The following DLC1 variants were observed in gnomAD, a reference collection of about 807,000 sequenced individuals.
DLC1 encodes rho GTPase-activating protein 7.
Under a neutral mutation model 140.3 loss-of-function variants are expected in DLC1, and 54 were observed. The ratio of observed to expected loss-of-function variants is 0.38; its 90% CI spans 0.31 to 0.48. The LOEUF is 0.48. Among genes scored for constraint, DLC1 ranks in the 20% least tolerant of loss-of-function variants. The pLI is 0.96. For missense variants in DLC1, 2,536 were observed against 1,907.0 expected (o/e 1.33, Z -6.14); for synonymous variants, 986 against 728.1 (o/e 1.35, Z -5.70).
chr8:13,334,137 G>A (rs191772309), intron 4 of DLC1, among the ~76,000 whole-genome samples: 137 of 152,276 alleles, frequency 9.0e-4, no homozygotes, highest in African/African-American at 2.6e-3. Context: ...TACCAGGGAC[G>A]TCAGCTCTCA....
At chr8:13,363,894 C>A (rs772299574) in intron 4 of DLC1, among the ~76,000 whole-genome samples, 1 of 152,168 alleles carries the variant, frequency 6.6e-6, no homozygotes, top group Non-Finnish European at 1.5e-5. Context: ...CTTTACTTGG[C>A]TAAAGAAAAC....
chr8:13,582,006 T>C (rs1429669154), intron 1 of DLC1, among the ~76,000 whole-genome samples: 1 of 152,134 alleles, frequency 6.6e-6, no homozygotes, highest in Admixed American at 6.6e-5. Flanking sequence ...GTAGGATGGA[T>C]ACGCAAAGTT....
chr8:13,180,853 T>A (rs1370614559), intron 5 of DLC1, among the ~76,000 whole-genome samples: 7 of 152,170 alleles, frequency 4.6e-5, no homozygotes, highest in Non-Finnish European at 1.0e-4. Context: ...AATAGGTAAA[T>A]CCTAATTTTT....
At chr8:13,564,840 G>T (rs1585279488) in intron 1 of DLC1, among the ~76,000 whole-genome samples, 1 of 152,100 alleles carries the variant, frequency 6.6e-6, no homozygotes. Context: ...AACAGGAGGG[G>T]CATAGCAAGG....
At chr8:13,388,049 CA>C (rs1836599674) in intron 4 of DLC1, among the ~76,000 whole-genome samples, 1 of 151,764 alleles carries the variant, frequency 6.6e-6, no homozygotes. Context: ...ATAAATTATG[CA>C]TACATAATTT....
chr8:13,595,807 T>G (rs1436565600), intron 1 of DLC1, among the ~76,000 whole-genome samples: 1 of 152,030 alleles, frequency 6.6e-6, no homozygotes, highest in African/African-American at 2.4e-5. Context: ...GAACAGTACA[T>G]TATTTTTTCT....
In DLC1 at chr8:13,184,393, G is replaced by A. The variant is rs144300953; in HGVS notation, c.1349-68736C>T. Among the ~76,000 whole-genome samples, 266 of 151,984 alleles carry A rather than the reference G, an allele frequency of 1.8e-3. 1 individual carries two copies. Among genetic ancestry groups the A allele is most frequent in the African/African-American group, 6.2e-3 (256 of 41,422 alleles). On this transcript the variant is annotated intron_variant, in intron 5 of 17. Transcript: ENST00000276297. Reference sequence around the variant, plus strand: ...CTAGTTCTTTTAATTGTGATGTTACGGTGTCAATTTTAGATCTTTTCTGCT... The same window carrying A: ...CTAGTTCTTTTAATTGTGATGTTACAGTGTCAATTTTAGATCTTTTCTGCT...
intron 5 of DLC1, among the ~76,000 whole-genome samples, chr8:13,282,294 T>C (rs1831390161): frequency 6.6e-6 from 1 of 152,218 alleles, no homozygotes; most frequent in South Asian, 2.1e-4. Flanking sequence ...CTCTCTGCAG[T>C]TGACTACAGT....
At chr8:13,086,061 C>T (rs905325888) in intron 17 of DLC1, 130 bp from the exon 18 acceptor site, 20 of 1,425,170 alleles carry the variant, frequency 1.4e-5, no homozygotes, top group African/African-American at 4.3e-5. Context: ...AATTCATGGC[C>T]GAGCTACCAT....
intron 5 of DLC1, among the ~76,000 whole-genome samples, chr8:13,229,192 C>A (rs541526453): frequency 6.6e-6 from 1 of 152,236 alleles, no homozygotes; most frequent in Non-Finnish European, 1.5e-5. Flanking sequence ...TGTCCACCAA[C>A]TGGACATTTG....
At chr8:13,285,105 G>C (rs1007097198) in intron 5 of DLC1, among the ~76,000 whole-genome samples, 1 of 152,110 alleles carries the variant, frequency 6.6e-6, no homozygotes, top group Non-Finnish European at 1.5e-5. Context: ...GATGTTGGAG[G>C]ATTTACACTG....
chr8:13,130,426 C>G (rs1821983253), intron 5 of DLC1, among the ~76,000 whole-genome samples: 1 of 152,136 alleles, frequency 6.6e-6, no homozygotes. Context: ...CCAGAAGCAC[C>G]CAAACACCTC....
chr8:13,110,637 C>G, intron 7 of DLC1, 105 bp downstream of exon 7: 2 of 1,093,654 alleles, frequency 1.8e-6, no homozygotes, highest in Non-Finnish European at 2.7e-6. Context: ...CCAATAAAAA[C>G]CTAACACAAT....
upstream of DLC1, chr8:13,515,475 C>G (rs537346263): frequency 6.6e-6 from 1 of 152,170 alleles, no homozygotes; most frequent in Non-Finnish European, 1.5e-5. Flanking sequence ...TCAGAATCCT[C>G]CAGTTACAAA....
chr8:13,581,764 T>C (rs1805107170), intron 1 of DLC1, among the ~76,000 whole-genome samples: 1 of 152,164 alleles, frequency 6.6e-6, no homozygotes, highest in African/African-American at 2.4e-5. Context: ...CCAACCTCTT[T>C]ATCAGGCCAT....
At chr8:13,429,410 A>G (rs967123610) in intron 2 of DLC1, among the ~76,000 whole-genome samples, 4 of 151,426 alleles carry the variant, frequency 2.6e-5, no homozygotes, top group African/African-American at 9.7e-5. Flanking sequence ...CTGATTTAAT[A>G]AATTTGGGAT....
At chr8:13,139,035 A>G (rs11784981) in intron 5 of DLC1, among the ~76,000 whole-genome samples, 28,582 of 151,974 alleles carry the variant, frequency 0.19, 2,915 homozygotes, top group African/African-American at 0.24. Context: ...CTGTAATCCC[A>G]GCATTTTGAG....
chr8:13,497,255 G>A (rs1261359523), intron 2 of DLC1, among the ~76,000 whole-genome samples: 1 of 151,930 alleles, frequency 6.6e-6, no homozygotes, highest in Non-Finnish European at 1.5e-5. Flanking sequence ...CCAATTCAAT[G>A]GTATTTTAAC....
intron 7 of DLC1, among the ~76,000 whole-genome samples, chr8:13,104,061 G>A (rs545584149): frequency 1.7e-3 from 265 of 152,044 alleles, no homozygotes; most frequent in Non-Finnish European, 3.0e-3. Flanking sequence ...TAGAGTCCTT[G>A]CACAGAATGG....
Sources: gnomAD v4.1 joint callset for allele counts (sites outside exome capture counted in the v4.1 genomes callset) on GRCh38, gnomAD v4.1.1 for gene constraint, MANE v1.5 for transcripts, NCBI Gene and HGNC (gene_info 2026-07-23, HGNC 2026-07-21) for gene names.